BCL2L11: variants seen among roughly 807,000 people sequenced by gnomAD.
The protein encoded by BCL2L11 is BCL2 like 11.
In BCL2L11, 15 loss-of-function variants were observed where a neutral mutation model predicts 20.6. The ratio of observed to expected loss-of-function variants is 0.73; its 90% CI spans 0.49 to 1.12. The LOEUF is 1.12. Ranked by LOEUF, BCL2L11 falls within the 50% of genes most tolerant of loss-of-function variation. The pLI, the probability that BCL2L11 is intolerant of heterozygous loss-of-function variation, is 0.00. For missense variants in BCL2L11, 292 were observed against 260.9 expected (o/e 1.12, Z -0.82); for synonymous variants, 108 against 92.8 (o/e 1.16, Z -0.94).
chr2:111,140,347 T>C (rs2075609583), intron 2 of BCL2L11, among the ~76,000 whole-genome samples: 1 of 152,252 alleles, frequency 6.6e-6, no homozygotes, highest in South Asian at 2.1e-4. Context: ...TTGAAATACC[T>C]TGGGGCCTTT....
chr2:111,126,308 T>A (rs1441554543), intron 2 of BCL2L11, among the ~76,000 whole-genome samples: 1 of 152,168 alleles, frequency 6.6e-6, no homozygotes, highest in Admixed American at 6.5e-5. Flanking sequence ...TCAAAGATCA[T>A]AATCTAAATA....
intron 3 of BCL2L11, among the ~76,000 whole-genome samples, chr2:111,155,310 T>C (rs1003209899): frequency 2.0e-5 from 3 of 152,186 alleles, no homozygotes; most frequent in Non-Finnish European, 2.9e-5. Context: ...GCCAGACTGT[T>C]CTTCAGTAGC....
chr2:111,122,576 C>CGCCAGCGGCGCGGGGAGGTCGGCGGT, intron 1 of BCL2L11: 3 of 980,838 alleles, frequency 3.1e-6, no homozygotes, highest in South Asian at 4.6e-5. Context: ...GGGCACCCGG[C>CGCCAGCGGCGCGGGGAGGTCGGCGGT]GCCAGCGGCG....
intron 3 of BCL2L11, 153 bp downstream of exon 3, chr2:111,150,300 AT>A: frequency 1.4e-6 from 2 of 1,437,674 alleles, no homozygotes; most frequent in Non-Finnish European, 9.3e-7. Flanking sequence ...CTCCTTTCCC[AT>A]TTTTCATTTG....
rs1444068860 is a variant in BCL2L11 at position 111,166,198 on chromosome 2, C to T, written c.*1967C>T. On this transcript the variant is annotated 3_prime_UTR_variant, in exon 4 of 4. Transcript: ENST00000393256. ...GGATCTGGGCACCCCCTCCCAGGAT[C>T]CCTGTACTCACGTGCCAGTCTCCTG... 6.5e-6 allele frequency: 1 copy of T among 152,690 alleles called. No homozygotes were observed. The highest frequency in any genetic ancestry group is 1.9e-4 in the East Asian group (1 of 5,194). The allele number at this position is 152,690 out of a possible 1,614,324, so 9.5% of individuals were successfully genotyped here.
At position 111,165,503 on chromosome 2, in the gene BCL2L11, A is replaced by T. The variant is rs1335243523; in HGVS notation, c.*1272A>T. 1 of 151,084 alleles carries T rather than the reference A, an allele frequency of 6.6e-6. No homozygotes were observed. The highest frequency in any genetic ancestry group is 1.5e-5 in the Non-Finnish European group (1 of 67,492). The allele number at this position is 151,084 out of a possible 1,614,324, so 9.4% of individuals were successfully genotyped here. On this transcript the variant is annotated 3_prime_UTR_variant, in exon 4 of 4. Transcript: ENST00000393256. Reference sequence around the variant, plus strand: ...ACCATAGAAGAATAATTCTGGGCAGAAGTCTGTTTTTTTTCATTTTTCCAG... The same window carrying T: ...ACCATAGAAGAATAATTCTGGGCAGTAGTCTGTTTTTTTTCATTTTTCCAG...
At chr2:111,126,069 C>G (rs2072522239) in intron 2 of BCL2L11, among the ~76,000 whole-genome samples, 1 of 152,098 alleles carries the variant, frequency 6.6e-6, no homozygotes, top group African/African-American at 2.4e-5. Flanking sequence ...GGTTATTAAG[C>G]TATTTTCTCT....
intron 2 of BCL2L11, among the ~76,000 whole-genome samples, chr2:111,136,380 T>C (rs146513024): frequency 1.3e-5 from 2 of 152,306 alleles, no homozygotes; most frequent in East Asian, 1.9e-4. Flanking sequence ...CTTGCTGTGT[T>C]CTCTCTAGGG....
chr2:111,144,465 A>G (rs891379160), intron 2 of BCL2L11: 2 of 1,550,474 alleles, frequency 1.3e-6, no homozygotes, highest in Non-Finnish European at 1.7e-6. Context: ...CGCTGATGGC[A>G]GTTGCTCTCC....
chr2:111,153,961 C>T, intron 3 of BCL2L11: 1 of 1,439,846 alleles, frequency 6.9e-7, no homozygotes, highest in South Asian at 1.5e-5. Context: ...GTGTCATTCC[C>T]AGGTGAACCT....
rs1034130349 is a variant in BCL2L11, at chr2:111,166,219, T to G, written c.*1988T>G. The stretch of plus-strand genomic sequence containing the variant: ...GGATCCCTGTACTCACGTGCCAGTC[T>G]CCTGACTAGAGCACTTTACTCTGTT... On this transcript the variant is annotated 3_prime_UTR_variant, in exon 4 of 4. Transcript: ENST00000393256. The G allele has an allele frequency of 7.9e-5, 12 of 152,738 alleles. No homozygotes were observed. Among genetic ancestry groups the G allele is most frequent in the African/African-American group, 2.7e-4 (11 of 41,458 alleles). 9.5% of individuals were successfully genotyped at this position (152,738 alleles called of 1,614,324 possible). A position where few individuals can be genotyped will look rare whatever the true frequency, so the allele number is the denominator to read the frequency against.
chr2:111,153,465 T>G (rs192101256), intron 3 of BCL2L11, among the ~76,000 whole-genome samples: 69 of 152,328 alleles, frequency 4.5e-4, no homozygotes, highest in Non-Finnish European at 8.5e-4. Context: ...TGATACTTGT[T>G]AGATTAAAAA....
At chr2:111,155,396 G>A (rs955199281) in intron 3 of BCL2L11, among the ~76,000 whole-genome samples, 2 of 152,194 alleles carry the variant, frequency 1.3e-5, no homozygotes, top group African/African-American at 4.8e-5. Flanking sequence ...GTGCCAGCAA[G>A]TGTAGATTGC....
intron 3 of BCL2L11, chr2:111,162,770 C>T (rs1267100185): frequency 6.6e-6 from 1 of 152,214 alleles, no homozygotes; most frequent in Middle Eastern, 3.2e-3. Context: ...ATAGCGTACA[C>T]TTTCTTCATT....
At chr2:111,122,674 C>T in intron 1 of BCL2L11, 4 of 982,662 alleles carry the variant, frequency 4.1e-6, no homozygotes, top group Non-Finnish European at 4.8e-6. Context: ...GCGGCTGCGG[C>T]CGGGGCAGCG....
chr2:111,153,879 TGAA>T, intron 3 of BCL2L11: 2 of 1,550,002 alleles, frequency 1.3e-6, no homozygotes, highest in Non-Finnish European at 1.7e-6. Context: ...GCTGAATCCT[TGAA>T]GGAGGAGGTG....
rs1030943966 is a variant in BCL2L11, at chr2:111,166,436, A to T, written c.*2205A>T. 1.3e-5 allele frequency: 2 copies of T among 152,716 alleles called. No individual in the cohort carries two copies. Among genetic ancestry groups the T allele is most frequent in the African/African-American group, 4.8e-5 (2 of 41,468 alleles). The allele number at this position is 152,716 out of a possible 1,614,324, so 9.5% of individuals were successfully genotyped here. A position where few individuals can be genotyped will look rare whatever the true frequency, so the allele number is the denominator to read the frequency against. ...AGATTCTATGAATTGTAGGAGTATT[A>T]AAGACCAGGCTGTTGGCACCAGAAC... On this transcript the variant is annotated 3_prime_UTR_variant, in exon 4 of 4. Coordinates refer to ENST00000393256, the MANE Select transcript of BCL2L11 (RefSeq NM_138621.5).
chr2:111,160,414 C>T (rs7591248), intron 3 of BCL2L11, among the ~76,000 whole-genome samples: 2,459 of 152,350 alleles, frequency 0.016, 63 homozygotes, highest in African/African-American at 0.055. Flanking sequence ...AGGCCCCCCA[C>T]CTGATGCTGG....
In BCL2L11 at chr2:111,123,975, C is replaced by T; in HGVS notation, c.230C>T (p.Ser77Phe). The T allele has an allele frequency of 1.2e-6, 2 of 1,614,232 alleles. No homozygotes were observed. The highest frequency in any genetic ancestry group is 1.7e-6 in the Non-Finnish European group (2 of 1,180,042). Residue 77 changes from serine to phenylalanine, a missense_variant, in exon 2 of 4, where the codon TCC (serine) becomes TTC (phenylalanine). Physicochemically the swap from Ser to Phe is radical, Grantham distance 155. Coordinates refer to ENST00000393256, the MANE Select transcript of BCL2L11 (RefSeq NM_138621.5). ...PASPGPFATR[S>F]PLFIFMRRSS... ...AGCCCTGGCCCTTTTGCTACCAGATCCCCGCTTTTCATCTTTATGAGAAGA... is the reference window on the plus strand; with the variant it reads ...AGCCCTGGCCCTTTTGCTACCAGATTCCCGCTTTTCATCTTTATGAGAAGA...
Sources: gnomAD v4.1 joint callset for allele counts (sites outside exome capture counted in the v4.1 genomes callset) on GRCh38, gnomAD v4.1.1 for gene constraint, MANE v1.5 for transcripts, NCBI Gene and HGNC (gene_info 2026-07-23, HGNC 2026-07-21) for gene names.